MRTFB: variants seen among roughly 807,000 people sequenced by gnomAD.
The protein encoded by MRTFB is myocardin-related transcription factor B.
A neutral mutation model predicts 104.2 loss-of-function variants in MRTFB; 29 were observed. That is an observed-to-expected ratio of 0.28 (90% confidence interval 0.21 to 0.38). The LOEUF is 0.38. MRTFB is among the 10% of genes least tolerant of loss of function. The pLI, the probability that MRTFB is intolerant of heterozygous loss-of-function variation, is 1.00. For synonymous variants in MRTFB, 535 were observed against 519.5 expected (o/e 1.03, Z -0.41); for missense variants, 1,270 against 1,341.6 (o/e 0.95, Z 0.83).
chr16:14,220,800 G>T (rs1250723978), intron 8 of MRTFB, among the ~76,000 whole-genome samples: 4 of 152,144 alleles, frequency 2.6e-5, no homozygotes, highest in African/African-American at 9.7e-5. Flanking sequence ...AGGGCGATGG[G>T]AGAAGACCCA....
intron 2 of MRTFB, among the ~76,000 whole-genome samples, chr16:14,084,172 A>G (rs1380037939): frequency 1.3e-5 from 2 of 152,204 alleles, no homozygotes; most frequent in Non-Finnish European, 2.9e-5. Context: ...GACTGTTACT[A>G]TTTCAAATAC....
chr16:14,091,090 C>A (rs956645783), intron 2 of MRTFB, among the ~76,000 whole-genome samples: 1 of 152,032 alleles, frequency 6.6e-6, no homozygotes, highest in Non-Finnish European at 1.5e-5. Context: ...GATTGGATCA[C>A]TCTAGTTACT....
At chr16:14,108,732 C>T (rs568387546) in intron 2 of MRTFB, among the ~76,000 whole-genome samples, 60 of 152,264 alleles carry the variant, frequency 3.9e-4, no homozygotes, top group Non-Finnish European at 7.5e-4. Context: ...ATTAGAGTTA[C>T]ATTCTGAAAA....
chr16:14,106,019 A>G (rs1350469192), intron 2 of MRTFB, among the ~76,000 whole-genome samples: 1 of 152,176 alleles, frequency 6.6e-6, no homozygotes, highest in Admixed American at 6.6e-5. Flanking sequence ...CTGCTGTGAA[A>G]GATAGATGTT....
intron 8 of MRTFB, among the ~76,000 whole-genome samples, chr16:14,231,022 C>G (rs566921144): frequency 6.6e-6 from 1 of 151,552 alleles, no homozygotes; most frequent in East Asian, 1.9e-4. Context: ...TCTCAGTAAA[C>G]TATCACAAGA....
intron 10 of MRTFB, chr16:14,240,763 C>G: frequency 1.3e-6 from 1 of 767,176 alleles, no homozygotes; most frequent in East Asian, 2.4e-5. Flanking sequence ...ATTAGAACAC[C>G]AAAATAGTAC....
intron 3 of MRTFB, among the ~76,000 whole-genome samples, chr16:14,156,826 T>A (rs1449951021): frequency 6.6e-6 from 1 of 152,202 alleles, no homozygotes; most frequent in East Asian, 1.9e-4. Context: ...GACTGTATTT[T>A]CCTTCTCACA....
intron 2 of MRTFB, among the ~76,000 whole-genome samples, chr16:14,093,455 T>C (rs1342667930): frequency 6.6e-6 from 1 of 152,160 alleles, no homozygotes; most frequent in African/African-American, 2.4e-5. Flanking sequence ...ACTAAAGAAC[T>C]TTCATTAAAT....
chr16:14,216,570 C>G (rs928231443), intron 6 of MRTFB, among the ~76,000 whole-genome samples: 7 of 152,236 alleles, frequency 4.6e-5, no homozygotes, highest in Non-Finnish European at 8.8e-5. Context: ...ATGTTCCTAA[C>G]AGACACAAGG....
At chr16:14,226,760 A>C (rs1439635034) in intron 8 of MRTFB, among the ~76,000 whole-genome samples, 2 of 152,134 alleles carry the variant, frequency 1.3e-5, no homozygotes, top group African/African-American at 2.4e-5. Flanking sequence ...GGATCCCTTG[A>C]GGCCAGGAGT....
intron 2 of MRTFB, among the ~76,000 whole-genome samples, chr16:14,127,915 ATATATATATATATATTTTTTTTTTTTT>A (rs1185448655): frequency 2.9e-4 from 14 of 48,910 alleles, no homozygotes; most frequent in African/African-American, 7.1e-4. Flanking sequence ...ATATATATAT[ATATATATATATATATTTTTTTTTTTTT>A]TTTTTTTTTC....
intron 2 of MRTFB, among the ~76,000 whole-genome samples, chr16:14,120,939 G>GT (rs200495366): frequency 0.016 from 2,364 of 152,212 alleles, 59 homozygotes; most frequent in African/African-American, 0.052. Flanking sequence ...GCAATGAGTG[G>GT]TTTTTTTCAA....
the MRTFB span, among the ~76,000 whole-genome samples, chr16:14,065,001 A>T: frequency 2.0e-5 from 3 of 152,240 alleles, no homozygotes; most frequent in African/African-American, 7.2e-5. Flanking sequence ...GCAGAATGTC[A>T]TTGGTAGTTT....
intron 1 of MRTFB, among the ~76,000 whole-genome samples, chr16:14,076,076 A>G (rs1037004535): frequency 6.6e-6 from 1 of 151,822 alleles, no homozygotes; most frequent in Non-Finnish European, 1.5e-5. Context: ...AATATACTAT[A>G]TATACTCTTT....
At chr16:14,251,260 C>A in intron 13 of MRTFB, among the ~76,000 whole-genome samples, 1 of 151,578 alleles carries the variant, frequency 6.6e-6, no homozygotes. Flanking sequence ...GCCTGTAGTC[C>A]CAGCTACTTG....
At chr16:14,249,590 T>G (rs1567219063) in intron 13 of MRTFB, among the ~76,000 whole-genome samples, 1 of 152,210 alleles carries the variant, frequency 6.6e-6, no homozygotes, top group Non-Finnish European at 1.5e-5. Flanking sequence ...TTTGGCCTCA[T>G]GCAGAATTCA....
At chr16:14,210,194 A>G (rs201660052) in intron 3 of MRTFB, 49 bp from the exon 4 acceptor site, 25 of 1,436,594 alleles carry the variant, frequency 1.7e-5, no homozygotes, top group Admixed American at 1.4e-4. Flanking sequence ...CATAAATCGG[A>G]TCCCACAGTT....
the MRTFB span, among the ~76,000 whole-genome samples, chr16:14,002,209 C>G: frequency 2.6e-5 from 4 of 152,026 alleles, no homozygotes; most frequent in African/African-American, 9.7e-5. Context: ...ATGGTGAAAC[C>G]CTGTCTCTAC....
At chr16:14,141,037 T>C in intron 3 of MRTFB, 1 of 336,768 alleles carries the variant, frequency 3.0e-6, no homozygotes, top group Non-Finnish European at 5.6e-6. Flanking sequence ...GATTTCATGC[T>C]GGAATGGCAT....
Sources: allele counts gnomAD v4.1 joint callset (sites outside exome capture counted in the v4.1 genomes callset), GRCh38; gene constraint gnomAD v4.1.1; transcripts MANE v1.5; gene names NCBI Gene and HGNC (gene_info 2026-07-23, HGNC 2026-07-21).